Variants in CCNT2 observed in about 807,000 individuals in gnomAD.
CCNT2 encodes the protein cyclin-T2.
Under a neutral mutation model 70.0 loss-of-function variants are expected in CCNT2, and 18 were observed. The observed-to-expected ratio is 0.26, with a 90% CI of 0.18 to 0.38. CCNT2 has a LOEUF of 0.38. Among genes scored for constraint, CCNT2 ranks in the 10% least tolerant of loss-of-function variants. The pLI is 1.00. For missense variants in CCNT2, 734 were observed against 890.2 expected, an observed-to-expected ratio of 0.82 and a Z score of 2.23; for synonymous variants, 334 against 313.3, an observed-to-expected ratio of 1.07 and a Z score of -0.70.
intron 7 of CCNT2, among the ~76,000 whole-genome samples, chr2:134,952,210 T>TC (rs1682564182): frequency 1.3e-5 from 2 of 152,170 alleles, no homozygotes; most frequent in African/African-American, 4.8e-5. Context: ...CTATTTTTTT[T>TC]CTCTTTGTAA....
intron 5 of CCNT2, chr2:134,944,711 A>G (rs1285707868): frequency 1.0e-6 from 1 of 983,890 alleles, no homozygotes. Flanking sequence ...ACTAGAATAT[A>G]TCTCACTCCA....
chr2:134,949,811 G>GGGA (rs548269716), intron 7 of CCNT2, among the ~76,000 whole-genome samples: 7 of 130,676 alleles, frequency 5.4e-5, no homozygotes, highest in African/African-American at 1.4e-4. Context: ...TCGGGGGGGG[G>GGGA]GTGGGGGACA....
In CCNT2 at chr2:134,932,261, G is replaced by A. The variant is rs183192044; in HGVS notation, c.241-4580G>A. Among the ~76,000 whole-genome samples the A allele has an allele frequency of 8.5e-3, 1,300 of 152,152 alleles. 17 individuals carry two copies. Among genetic ancestry groups the A allele is most frequent in the African/African-American group, 0.03 (1,238 of 41,534 alleles). On this transcript the variant is annotated intron_variant, in intron 2 of 8. Coordinates refer to ENST00000264157, the MANE Select transcript of CCNT2 (RefSeq NM_058241.3). ...GGTGATCCGCCCGTCTTGGCATCCC[G>A]AAGTGCTGGGATTACAGGCATGAGC...
rs758285647 is a variant in CCNT2, at chr2:134,952,723, G to C, written c.774+12G>C. The C allele has an allele frequency of 6.3e-7, 1 of 1,591,686 alleles. No individual in the cohort carries two copies. Among genetic ancestry groups the C allele is most frequent in the Admixed American group, 1.7e-5 (1 of 59,144 alleles). On this transcript the variant is annotated intron_variant, in intron 8 of 8. Transcript: ENST00000264157. Reference sequence around the variant, plus strand: ...TTCGAAACTGGAGGGTAAGAGAATTGACAGGGTTTAACAGAATTTCAGTCT... The same window carrying C: ...TTCGAAACTGGAGGGTAAGAGAATTCACAGGGTTTAACAGAATTTCAGTCT...
At chr2:134,943,522 A>G in intron 5 of CCNT2, 1 of 985,056 alleles carries the variant, frequency 1.0e-6, no homozygotes, top group South Asian at 4.7e-5. Flanking sequence ...TCCTTTTTGT[A>G]ACGGAGAAAT....
At position 134,954,851 on chromosome 2, in the gene CCNT2, A is replaced by T; in HGVS notation, c.*203A>T. The T allele has an allele frequency of 1.9e-6, 1 of 519,424 alleles. No homozygotes were observed. The highest frequency in any genetic ancestry group is 3.4e-6 in the Non-Finnish European group (1 of 292,864). 32.2% of individuals were successfully genotyped at this position (519,424 alleles called of 1,614,324 possible). On this transcript the variant is annotated 3_prime_UTR_variant, in exon 9 of 9. Coordinates refer to ENST00000264157, the MANE Select transcript of CCNT2 (RefSeq NM_058241.3). ...CTCCACATATGATAGTGTTATAAAT[A>T]CTGTAAAAGCATGGAAGGTGCAAAA...
In CCNT2 at chr2:134,959,109, T is replaced by C. The variant is rs1193132905; in HGVS notation, c.*4461T>C. Reference sequence around the variant, plus strand: ...TGAGTACATTCTTAATTTTAAGGTATGTTTTTTTCAAGCAGCTTCATTTTA... The same window carrying C: ...TGAGTACATTCTTAATTTTAAGGTACGTTTTTTTCAAGCAGCTTCATTTTA... On this transcript the variant is annotated 3_prime_UTR_variant, in exon 9 of 9. Transcript: ENST00000264157. 1.3e-5 allele frequency: 2 copies of C among 152,224 alleles called. No homozygotes were observed. Among genetic ancestry groups the C allele is most frequent in the South Asian group, 2.1e-4 (1 of 4,830 alleles). The allele number at this position is 152,224 out of a possible 1,614,324, so 9.4% of individuals were successfully genotyped here. A position where few individuals can be genotyped will look rare whatever the true frequency, so the allele number is the denominator to read the frequency against.
chr2:134,920,753 A>T (rs959084221), intron 2 of CCNT2, among the ~76,000 whole-genome samples: 1 of 152,328 alleles, frequency 6.6e-6, no homozygotes, highest in South Asian at 2.1e-4. Context: ...ATGTGTAGAA[A>T]AATGGACCAA....
chr2:134,943,596 A>T, intron 5 of CCNT2: 2 of 984,884 alleles, frequency 2.0e-6, no homozygotes, highest in Non-Finnish European at 2.4e-6. Context: ...TATAAACAGG[A>T]GTACTTTTTA....
intron 2 of CCNT2, among the ~76,000 whole-genome samples, chr2:134,931,797 A>T (rs552374157): frequency 1.3e-5 from 2 of 152,066 alleles, no homozygotes; most frequent in African/African-American, 4.8e-5. Flanking sequence ...AAGGGATCTC[A>T]CTCTGTTGCT....
intron 2 of CCNT2, among the ~76,000 whole-genome samples, chr2:134,933,080 C>G (rs1680902211): frequency 6.6e-6 from 1 of 152,112 alleles, no homozygotes; most frequent in Admixed American, 6.5e-5. Flanking sequence ...CATCACTAGC[C>G]TATAGAACCT....
intron 7 of CCNT2, among the ~76,000 whole-genome samples, chr2:134,952,391 A>C (rs958165404): frequency 7.2e-4 from 110 of 152,144 alleles, no homozygotes; most frequent in African/African-American, 2.6e-3. Context: ...ATTATTTTTA[A>C]TGCTACTAGA....
Position 134,954,504 on chromosome 2 carries a change from CCTCGTGAAA to C in CCNT2, c.2052_2060del (p.Val685_Leu687del). On this transcript the variant is annotated inframe_deletion, in exon 9 of 9. Coordinates refer to ENST00000264157, the MANE Select transcript of CCNT2 (RefSeq NM_058241.3). Reference sequence around the variant, plus strand: ...AGGTGGGCTACGGACATCTCAGCACCCTCGTGAAACTGGACAAGAAGCCAGTGGAGACCA... The same window carrying C: ...AGGTGGGCTACGGACATCTCAGCACCCTGGACAAGAAGCCAGTGGAGACCA... 1 of 1,614,116 alleles carries C rather than the reference CCTCGTGAAA, an allele frequency of 6.2e-7. No homozygotes were observed.
intron 5 of CCNT2, chr2:134,943,650 TAC>T (rs1409058791): frequency 2.0e-6 from 2 of 984,504 alleles, no homozygotes; most frequent in African/African-American, 3.5e-5. Context: ...TAGTATCTGA[TAC>T]AGCATTTTCT....
Position 134,938,995 on chromosome 2 carries a change from C to A in CCNT2, c.370-7C>A. 1 of 1,585,810 alleles carries A rather than the reference C, an allele frequency of 6.3e-7. No homozygotes were observed. Among genetic ancestry groups the A allele is most frequent in the South Asian group, 1.1e-5 (1 of 89,968 alleles). On this transcript the variant is annotated splice_region_variant and splice_polypyrimidine_tract_variant and intron_variant, in intron 3 of 8. Transcript: ENST00000264157. Reference sequence around the variant, plus strand: ...TTAATCAATTTGATAATATTTTTATCTGACAGGCTTACCTTCAACAGACTC... The same window carrying A: ...TTAATCAATTTGATAATATTTTTATATGACAGGCTTACCTTCAACAGACTC...
At chr2:134,936,820 A>G (rs749941934) in intron 2 of CCNT2, 21 bp from the exon 3 acceptor site, 3 of 1,591,074 alleles carry the variant, frequency 1.9e-6, no homozygotes, top group Non-Finnish European at 2.6e-6. Flanking sequence ...TTAAATGACC[A>G]GAGTTTTATC....
intron 2 of CCNT2, among the ~76,000 whole-genome samples, chr2:134,927,181 C>T (rs1680356637): frequency 6.6e-6 from 1 of 152,088 alleles, no homozygotes; most frequent in Admixed American, 6.5e-5. Flanking sequence ...CTAGAACTTC[C>T]CCAGAAAGCT....
chr2:134,937,694 T>A (rs188661673), intron 3 of CCNT2, among the ~76,000 whole-genome samples: 7 of 152,310 alleles, frequency 4.6e-5, no homozygotes, highest in African/African-American at 1.7e-4. Context: ...GGCAGGCGGA[T>A]CACCTGAGGT....
In CCNT2 at chr2:134,929,635, G is replaced by GAGAGAGAGAGAGA. The variant is rs1162062330; in HGVS notation, c.241-7205_241-7204insGAGAGAGAGAGAA. On this transcript the variant is annotated intron_variant, in intron 2 of 8. Coordinates refer to ENST00000264157, the MANE Select transcript of CCNT2 (RefSeq NM_058241.3). The stretch of plus-strand genomic sequence containing the variant: ...AAACAGAGAGAGAGAGAGAGAGAGA[G>GAGAGAGAGAGAGA]AACTAATAAATAGATGCCTTTTTTT... Among the ~76,000 whole-genome samples the GAGAGAGAGAGAGA allele has an allele frequency of 3.9e-4, 51 of 129,984 alleles. No individual in the cohort carries two copies. In the Middle Eastern group the frequency reaches 0.037, roughly 95 times the overall value. 85.3% of individuals were successfully genotyped at this position (129,984 alleles called of 152,430 possible).
Sources: gnomAD v4.1 joint callset for allele counts (sites outside exome capture counted in the v4.1 genomes callset) on GRCh38, gnomAD v4.1.1 for gene constraint, MANE v1.5 for transcripts, NCBI Gene and HGNC (gene_info 2026-07-23, HGNC 2026-07-21) for gene names.